The following KIF16B variants were observed in gnomAD, a reference collection of about 807,000 sequenced individuals.
KIF16B encodes the protein kinesin family member 16B.
Under a neutral mutation model 156.3 loss-of-function variants are expected in KIF16B, and 98 were observed. The ratio of observed to expected loss-of-function variants is 0.63; its 90% CI spans 0.53 to 0.74. The LOEUF is 0.74. Ranked by LOEUF, KIF16B falls within the 30% of genes least tolerant of loss-of-function variation. The pLI is 0.00. For missense variants in KIF16B, 1,421 were observed against 1,606.5 expected, an observed-to-expected ratio of 0.88 and a Z score of 1.97; for synonymous variants, 564 against 583.7, an observed-to-expected ratio of 0.97 and a Z score of 0.49.
chr20:16,334,143 A>ATG (rs539897920), intron 24 of KIF16B, among the ~76,000 whole-genome samples: 297 of 152,160 alleles, frequency 2.0e-3, no homozygotes, highest in Admixed American at 3.3e-3. Context: ...CCTGGAATGA[A>ATG]TGTGTGTGTG....
chr20:16,284,912 G>A (rs369394693), intron 25 of KIF16B, among the ~76,000 whole-genome samples: 36 of 152,218 alleles, frequency 2.4e-4, no homozygotes, highest in African/African-American at 7.9e-4. Context: ...GTGAGCACGC[G>A]CCCTCCCACC....
intron 22 of KIF16B, among the ~76,000 whole-genome samples, chr20:16,365,335 C>A (rs966939638): frequency 6.6e-6 from 1 of 152,100 alleles, no homozygotes; most frequent in Non-Finnish European, 1.5e-5. Flanking sequence ...GACCTACCAA[C>A]CAAGATAATG....
At chr20:16,377,904 G>C (rs1013193086) in intron 19 of KIF16B, among the ~76,000 whole-genome samples, 9 of 152,174 alleles carry the variant, frequency 5.9e-5, no homozygotes, top group African/African-American at 2.2e-4. Flanking sequence ...TACAAGACAA[G>C]AGTGCTAATT....
chr20:16,537,035 T>A (rs1227114097), intron 1 of KIF16B, among the ~76,000 whole-genome samples: 1 of 152,076 alleles, frequency 6.6e-6, no homozygotes, highest in Non-Finnish European at 1.5e-5. Context: ...CTGTCCCAGG[T>A]CAGGCTACCC....
In KIF16B at chr20:16,368,373, C is replaced by T. The variant is rs145620918; in HGVS notation, c.3498+2213G>A. 3.3e-4 allele frequency: 323 copies of T among 989,038 alleles called. 2 individuals carry two copies. In the African/African-American group the frequency reaches 5.1e-3, roughly 16 times the overall value. 61.3% of individuals were successfully genotyped at this position (989,038 alleles called of 1,614,324 possible). ...TCTCGCTGCTGCCAACCCGAGCTTC[C>T]GGAGAATGAGATTCTGTTGACTGCA... On this transcript the variant is annotated intron_variant, in intron 22 of 25. Transcript: ENST00000354981.
intron 22 of KIF16B, among the ~76,000 whole-genome samples, chr20:16,360,834 C>CA (rs1321128907): frequency 6.6e-6 from 1 of 152,172 alleles, no homozygotes; most frequent in Non-Finnish European, 1.5e-5. Context: ...TTTTACTACT[C>CA]AGGCTATTTC....
chr20:16,442,857 G>A (rs1422373081), intron 12 of KIF16B, among the ~76,000 whole-genome samples: 4 of 152,026 alleles, frequency 2.6e-5, no homozygotes, highest in African/African-American at 9.7e-5. Context: ...ATGAGAGGGA[G>A]GAAGAAAAGA....
At chr20:16,481,711 G>A (rs771097238) in intron 12 of KIF16B, among the ~76,000 whole-genome samples, 1 of 152,158 alleles carries the variant, frequency 6.6e-6, no homozygotes, top group African/African-American at 2.4e-5. Context: ...TGTGATGTCT[G>A]TGTGGCTAAA....
At chr20:16,358,186 C>T (rs1242868604) in intron 22 of KIF16B, among the ~76,000 whole-genome samples, 2 of 151,918 alleles carry the variant, frequency 1.3e-5, no homozygotes, top group Non-Finnish European at 2.9e-5. Context: ...GAGACTCCAT[C>T]TCAAAGGAAA....
chr20:16,285,837 C>G (rs899678259), intron 25 of KIF16B, among the ~76,000 whole-genome samples: 1 of 151,962 alleles, frequency 6.6e-6, no homozygotes, highest in South Asian at 2.1e-4. Context: ...ACAAAACAAA[C>G]AAAAAGCACC....
chr20:16,354,088 T>C (rs574634460), intron 23 of KIF16B, among the ~76,000 whole-genome samples: 1 of 152,326 alleles, frequency 6.6e-6, no homozygotes, highest in South Asian at 2.1e-4. Context: ...TGTATTTGGT[T>C]TCTCTAACTT....
chr20:16,461,580 C>T (rs190146035), intron 12 of KIF16B, among the ~76,000 whole-genome samples: 72 of 152,238 alleles, frequency 4.7e-4, no homozygotes, highest in African/African-American at 1.7e-3. Context: ...CAACTCAAGA[C>T]CACACTGAGG....
intron 1 of KIF16B, among the ~76,000 whole-genome samples, chr20:16,571,506 A>G (rs2071449623): frequency 6.6e-6 from 1 of 151,874 alleles, no homozygotes; most frequent in African/African-American, 2.4e-5. Flanking sequence ...AGCAGGCCCA[A>G]TACTTCACAA....
intron 17 of KIF16B, among the ~76,000 whole-genome samples, chr20:16,392,414 G>A (rs1329514982): frequency 6.6e-6 from 1 of 152,176 alleles, no homozygotes; most frequent in African/African-American, 2.4e-5. Context: ...GAAGGGGCTG[G>A]TTTAAGGAAA....
At position 16,367,859 on chromosome 20, in the gene KIF16B, C is replaced by G. The variant is rs367969659; in HGVS notation, c.3498+2727G>C. Reference sequence around the variant, plus strand: ...GAGAGGTATTTGTTGTAACTGAATACAGTGAGCAGAAGACCCTCTGCAGAG... The same window carrying G: ...GAGAGGTATTTGTTGTAACTGAATAGAGTGAGCAGAAGACCCTCTGCAGAG... On this transcript the variant is annotated intron_variant, in intron 22 of 25. Coordinates refer to ENST00000354981, the MANE Select transcript of KIF16B (RefSeq NM_024704.5). 1.4e-5 allele frequency: 22 copies of G among 1,581,558 alleles called. No individual in the cohort carries two copies. The African/African-American group carries it at 2.0e-4, about 14-fold the overall frequency.
In KIF16B at chr20:16,356,345, G is replaced by T; in HGVS notation, c.3606C>A (p.Phe1202Leu). ...VLCGQGKDAH[F>L]EFEVKITVLD... Reference sequence around the variant, plus strand: ...AGACACTCACCTTGACCTCAAACTCGAAGTGTGCATCCTTTCCTTGCCCGC... The same window carrying T: ...AGACACTCACCTTGACCTCAAACTCTAAGTGTGCATCCTTTCCTTGCCCGC... Residue 1202 changes from phenylalanine (F) to leucine (L), a missense_variant, in exon 23 of 26, where the codon TTC (phenylalanine) becomes TTA (leucine). Physicochemically the swap from Phe to Leu is conservative, Grantham distance 22. Coordinates refer to ENST00000354981, the MANE Select transcript of KIF16B (RefSeq NM_024704.5). 1 of 1,614,100 alleles carries T rather than the reference G, an allele frequency of 6.2e-7. No homozygotes were observed. Among genetic ancestry groups the T allele is most frequent in the Non-Finnish European group, 8.5e-7 (1 of 1,179,980 alleles).
At chr20:16,386,639 A>G (rs1202027581) in intron 17 of KIF16B, among the ~76,000 whole-genome samples, 2 of 151,712 alleles carry the variant, frequency 1.3e-5, no homozygotes, top group Non-Finnish European at 2.9e-5. Context: ...CAAGCAGGAG[A>G]CAGAGAGATT....
intron 23 of KIF16B, among the ~76,000 whole-genome samples, chr20:16,342,223 T>C (rs1298450597): frequency 2.0e-5 from 3 of 152,058 alleles, no homozygotes; most frequent in African/African-American, 4.8e-5. Context: ...AATTCATTTA[T>C]GTAACTAATA....
At chr20:16,290,462 G>T (rs371204099) in intron 25 of KIF16B, among the ~76,000 whole-genome samples, 2 of 152,180 alleles carry the variant, frequency 1.3e-5, no homozygotes, top group African/African-American at 4.8e-5. Context: ...TGGCCTTGGC[G>T]GGCTGTCTGA....
Sources: gnomAD v4.1 joint callset for allele counts (sites outside exome capture counted in the v4.1 genomes callset) on GRCh38, gnomAD v4.1.1 for gene constraint, MANE v1.5 for transcripts, NCBI Gene and HGNC (gene_info 2026-07-23, HGNC 2026-07-21) for gene names.